Variants in PHKB observed in about 807,000 individuals in gnomAD.
PHKB encodes the protein phosphorylase kinase regulatory subunit beta, also known as phosphorylase b kinase regulatory subunit beta.
Under a neutral mutation model 152.1 loss-of-function variants are expected in PHKB, and 122 were observed. That is an observed-to-expected ratio of 0.80 (90% CI 0.69 to 0.93). The LOEUF is 0.93. Among genes scored for constraint, PHKB ranks in the 40% least tolerant of loss-of-function variants. PHKB has a pLI of 0.00. For missense variants in PHKB, 1,304 were observed against 1,328.4 expected (o/e 0.98, Z 0.29); for synonymous variants, 436 against 464.9 (o/e 0.94, Z 0.80).
chr16:47,486,241 G>A (rs960690480), intron 1 of PHKB, among the ~76,000 whole-genome samples: 2 of 152,150 alleles, frequency 1.3e-5, no homozygotes, highest in African/African-American at 4.8e-5. Context: ...AGGCCTCCCC[G>A]ATAATGTGGA....
chr16:47,573,584 A>G (rs1397491080), intron 7 of PHKB, among the ~76,000 whole-genome samples: 1 of 152,208 alleles, frequency 6.6e-6, no homozygotes, highest in East Asian at 1.9e-4. Context: ...GGTCCCAGGC[A>G]GTCTGCCCTC....
At chr16:47,581,275 G>A (rs781674136) in intron 8 of PHKB, among the ~76,000 whole-genome samples, 27 of 152,042 alleles carry the variant, frequency 1.8e-4, no homozygotes, top group Non-Finnish European at 3.5e-4. Context: ...TCCTTCTTAC[G>A]TACACAAGCA....
At chr16:47,650,498 A>G (rs1567341645) in intron 18 of PHKB, 46 bp from the exon 19 acceptor site, 5 of 1,090,940 alleles carry the variant, frequency 4.6e-6, no homozygotes, top group South Asian at 2.5e-5. Flanking sequence ...CATCCTGTTC[A>G]TCTTAGATAC....
intron 7 of PHKB, among the ~76,000 whole-genome samples, chr16:47,567,475 G>T (rs1200776872): frequency 6.6e-6 from 1 of 152,062 alleles, no homozygotes; most frequent in African/African-American, 2.4e-5. Context: ...TAAAATCAGA[G>T]ATATAAAAAG....
At chr16:47,612,552 A>G (rs1164737350) in intron 14 of PHKB, among the ~76,000 whole-genome samples, 4 of 152,210 alleles carry the variant, frequency 2.6e-5, no homozygotes, top group Non-Finnish European at 4.4e-5. Context: ...CTCTACAGGT[A>G]TGTTTTATCT....
intron 1 of PHKB, among the ~76,000 whole-genome samples, chr16:47,490,790 G>T (rs78400893): frequency 0.02 from 3,077 of 152,192 alleles, 103 homozygotes; most frequent in African/African-American, 0.07. Flanking sequence ...TGCCCCAAGA[G>T]TACCCTGTTG....
At chr16:47,477,787 GAA>G (rs989980558) in intron 1 of PHKB, among the ~76,000 whole-genome samples, 2 of 152,078 alleles carry the variant, frequency 1.3e-5, no homozygotes, top group Non-Finnish European at 2.9e-5. Context: ...TCCCTGAAGA[GAA>G]AATGGAAGAA....
At chr16:47,629,583 A>G (rs1403602917) in intron 14 of PHKB, among the ~76,000 whole-genome samples, 9 of 149,828 alleles carry the variant, frequency 6.0e-5, no homozygotes, top group East Asian at 2.0e-4. Flanking sequence ...GTGGGACTGT[A>G]AACTAGTTCA....
chr16:47,524,620 T>C (rs764707073), intron 6 of PHKB, among the ~76,000 whole-genome samples: 1 of 152,128 alleles, frequency 6.6e-6, no homozygotes, highest in African/African-American at 2.4e-5. Flanking sequence ...AATACAAAAA[T>C]TACCTGGGAG....
intron 7 of PHKB, among the ~76,000 whole-genome samples, chr16:47,554,045 C>T (rs1971321417): frequency 6.6e-6 from 1 of 152,152 alleles, no homozygotes; most frequent in Admixed American, 6.5e-5. Context: ...GGCAGTCTGA[C>T]CCTTAGCAGA....
chr16:47,631,661 A>G (rs1972829657), intron 14 of PHKB, among the ~76,000 whole-genome samples: 1 of 152,064 alleles, frequency 6.6e-6, no homozygotes, highest in Non-Finnish European at 1.5e-5. Flanking sequence ...CCAGTGTGTG[A>G]TGTTCCCCTC....
At chr16:47,515,699 G>A (rs749682533) in intron 6 of PHKB, 98 bp downstream of exon 6, 4 of 700,610 alleles carry the variant, frequency 5.7e-6, no homozygotes, top group African/African-American at 1.8e-5. Context: ...TATGTAAAAT[G>A]TATTCCTGTT....
In PHKB at chr16:47,664,862, T is replaced by C. The variant is rs770394576; in HGVS notation, c.2337-23T>C. 7 of 1,554,108 alleles carry C rather than the reference T, an allele frequency of 4.5e-6. No homozygotes were observed. In the Admixed American group the frequency reaches 8.4e-5, roughly 19 times the overall value. Reference sequence around the variant, plus strand: ...TTTATTTACTCTATTTTCCCTTTTATGGCTTTCCACTGACACACCCAGGTT... The same window carrying C: ...TTTATTTACTCTATTTTCCCTTTTACGGCTTTCCACTGACACACCCAGGTT... On this transcript the variant is annotated intron_variant, in intron 24 of 30. Coordinates refer to ENST00000323584, the MANE Select transcript of PHKB (RefSeq NM_000293.3).
chr16:47,637,214 T>C (rs1467853980), intron 14 of PHKB, among the ~76,000 whole-genome samples: 2 of 152,224 alleles, frequency 1.3e-5, no homozygotes, highest in Non-Finnish European at 2.9e-5. Flanking sequence ...GGAGCTATTA[T>C]GTCACTCAAT....
chr16:47,461,817 C>T (rs1478227221), intron 1 of PHKB, among the ~76,000 whole-genome samples: 1 of 152,224 alleles, frequency 6.6e-6, no homozygotes, highest in Non-Finnish European at 1.5e-5. Flanking sequence ...CTTAATCAGA[C>T]CAAGTCAGAT....
At chr16:47,478,984 G>A (rs1199987329) in intron 1 of PHKB, among the ~76,000 whole-genome samples, 1 of 152,196 alleles carries the variant, frequency 6.6e-6, no homozygotes, top group Non-Finnish European at 1.5e-5. Flanking sequence ...TGTTTTTGGT[G>A]TTGGTTTTAT....
At chr16:47,495,190 C>CTTTT (rs200655920) in intron 1 of PHKB, among the ~76,000 whole-genome samples, 4 of 137,404 alleles carry the variant, frequency 2.9e-5, no homozygotes, top group African/African-American at 1.1e-4. Flanking sequence ...AACAGAACTC[C>CTTTT]TTTTTTTTTT....
intron 13 of PHKB, among the ~76,000 whole-genome samples, chr16:47,606,412 A>G (rs188232549): frequency 6.6e-6 from 1 of 152,366 alleles, no homozygotes; most frequent in Admixed American, 6.5e-5. Context: ...ACATGGGTAC[A>G]TTTATACAAA....
At position 47,596,433 on chromosome 16, in the gene PHKB, A is replaced by T; in HGVS notation, c.1265A>T (p.Asn422Ile). The change falls in exon 13 of 31, where the codon AAT (asparagine) becomes ATT (isoleucine). Residue 422 changes from asparagine to isoleucine, a missense_variant. Physicochemically the swap from Asn to Ile is moderately radical, Grantham distance 149 (BLOSUM62 -3). Coordinates refer to ENST00000323584, the MANE Select transcript of PHKB (RefSeq NM_000293.3). ...VPADFVEYEKNNPGSQKRFPS... is the reference protein window; with the variant it reads ...VPADFVEYEKINPGSQKRFPS... Reference sequence around the variant, plus strand: ...GCTGACTTTGTAGAATATGAAAAAAATAACCCTGGTAGTCAAAAACGATTT... The same window carrying T: ...GCTGACTTTGTAGAATATGAAAAAATTAACCCTGGTAGTCAAAAACGATTT... 1.2e-6 allele frequency: 2 copies of T among 1,612,934 alleles called. No homozygotes were observed. Among genetic ancestry groups the T allele is most frequent in the Middle Eastern group, 1.7e-4 (1 of 6,060 alleles).
Sources: allele counts gnomAD v4.1 joint callset (sites outside exome capture counted in the v4.1 genomes callset), GRCh38; gene constraint gnomAD v4.1.1; transcripts MANE v1.5; gene names NCBI Gene and HGNC (gene_info 2026-07-23, HGNC 2026-07-21).